The following SIPA1L2 variants were observed in gnomAD, a reference collection of about 807,000 sequenced individuals.
The protein encoded by SIPA1L2 is signal induced proliferation associated 1 like 2, also known as signal-induced proliferation-associated 1-like protein 2.
Under a neutral mutation model 163.9 loss-of-function variants are expected in SIPA1L2, and 56 were observed. The ratio of observed to expected loss-of-function variants is 0.34; its 90% confidence interval spans 0.28 to 0.43. The LOEUF (loss-of-function observed/expected upper bound fraction) is 0.43. Among genes scored for constraint, SIPA1L2 ranks in the 20% least tolerant of loss-of-function variants. The probability of loss-of-function intolerance (pLI) is 1.00; values close to 1 mark genes in which losing one functional copy is unlikely to be tolerated. For synonymous variants in SIPA1L2, 877 were observed against 865.7 expected (o/e 1.01, Z -0.23); for missense variants, 1,974 against 2,193.5 (o/e 0.90, Z 2.00).
chr1:232,402,417 C>G lies in SIPA1L2; in HGVS notation c.4997G>C (p.Arg1666Pro), dbSNP rs368811235. The change falls in exon 22 of 23, where the codon CGA becomes CCA. Residue 1666 changes from arginine to proline, a missense_variant. Physicochemically the swap from Arg to Pro is moderately radical, Grantham distance 103 (BLOSUM62 -2). Coordinates refer to ENST00000674635, the MANE Select transcript of SIPA1L2 (RefSeq NM_020808.5). ...GKVNQLELIL[R>P]QLQTDLRKEK... The stretch of plus-strand genomic sequence containing the variant: ...CTTCCGAAGGTCGGTCTGGAGTTGT[C>G]GAAGAATTAATTCCAGCTGATTGAC... 1 of 1,613,354 alleles carries G rather than the reference C, an allele frequency of 6.2e-7. No individual in the cohort carries two copies. The highest frequency in any genetic ancestry group is 1.3e-5 in the African/African-American group (1 of 74,900).
At chr1:232,436,706 A>G (rs1393791266) in intron 15 of SIPA1L2, among the ~76,000 whole-genome samples, 1 of 152,196 alleles carries the variant, frequency 6.6e-6, no homozygotes. Context: ...TCGTCCTCTA[A>G]TGAGTCACCT....
chr1:232,552,409 T>C (rs1658446073), intron 2 of SIPA1L2, among the ~76,000 whole-genome samples: 1 of 151,942 alleles, frequency 6.6e-6, no homozygotes, highest in African/African-American at 2.4e-5. Flanking sequence ...CGTTTTCTGC[T>C]TGTTTCTTTT....
intron 1 of SIPA1L2, among the ~76,000 whole-genome samples, chr1:232,626,431 C>G (rs566406764): frequency 3.4e-4 from 51 of 152,166 alleles, no homozygotes; most frequent in African/African-American, 1.2e-3. Flanking sequence ...TTGGGTTGCA[C>G]TAAATATGAA....
chr1:232,454,581 TG>T (rs1663784485), intron 10 of SIPA1L2, among the ~76,000 whole-genome samples: 1 of 152,332 alleles, frequency 6.6e-6, no homozygotes, highest in African/African-American at 2.4e-5. Context: ...TTTTGACGAA[TG>T]TATTTCTATG....
intron 10 of SIPA1L2, among the ~76,000 whole-genome samples, chr1:232,458,469 G>A (rs868213435): frequency 7.9e-5 from 12 of 152,178 alleles, no homozygotes; most frequent in African/African-American, 1.7e-4. Flanking sequence ...CAAATATCAC[G>A]ACAACTTTAC....
At position 232,627,330 on chromosome 1, in the gene SIPA1L2, A is replaced by G. The variant is rs146418108; in HGVS notation, c.-319+2539T>C. Among the ~76,000 whole-genome samples, 47 of 152,338 alleles carry G rather than the reference A, an allele frequency of 3.1e-4. No homozygotes were observed. The East Asian group carries it at 7.7e-3, about 25-fold the overall frequency. On this transcript the variant is annotated intron_variant, in intron 1 of 22. Transcript: ENST00000674635. Reference sequence around the variant, plus strand: ...CGATGCCCAAACACAGTGCTTTTAAACCAGTTTCAATTACCAAACAACTGG... The same window carrying G: ...CGATGCCCAAACACAGTGCTTTTAAGCCAGTTTCAATTACCAAACAACTGG...
chr1:232,406,079 T>G (rs1413983234), intron 19 of SIPA1L2, among the ~76,000 whole-genome samples: 1 of 152,336 alleles, frequency 6.6e-6, no homozygotes, highest in South Asian at 2.1e-4. Flanking sequence ...GAGGATGCTA[T>G]TTGATTAAGT....
chr1:232,516,269 G>A (rs1206843046), intron 2 of SIPA1L2, among the ~76,000 whole-genome samples: 1 of 152,174 alleles, frequency 6.6e-6, no homozygotes, highest in East Asian at 1.9e-4. Context: ...TCAAGGATCT[G>A]GTATCTGATA....
At chr1:232,606,191 T>C (rs2102864803) in intron 1 of SIPA1L2, among the ~76,000 whole-genome samples, 1 of 152,388 alleles carries the variant, frequency 6.6e-6, no homozygotes, top group South Asian at 2.1e-4. Context: ...ATAAGTCATG[T>C]AGACTAATTC....
At chr1:232,412,439 TAAAC>T (rs746035880) in intron 19 of SIPA1L2, among the ~76,000 whole-genome samples, 1 of 152,228 alleles carries the variant, frequency 6.6e-6, no homozygotes, top group Non-Finnish European at 1.5e-5. Context: ...AGCAATAACA[TAAAC>T]AAGTACATGG....
intron 2 of SIPA1L2, among the ~76,000 whole-genome samples, chr1:232,545,376 T>C (rs888056297): frequency 6.6e-6 from 1 of 152,238 alleles, no homozygotes; most frequent in Non-Finnish European, 1.5e-5. Context: ...TTGACTCATG[T>C]ATCTATGAGG....
chr1:232,573,904 G>A (rs1000016017), intron 2 of SIPA1L2, among the ~76,000 whole-genome samples: 9 of 152,098 alleles, frequency 5.9e-5, no homozygotes, highest in South Asian at 2.1e-4. Context: ...CCTTTTAAAC[G>A]CATTCAGGGA....
intron 3 of SIPA1L2, among the ~76,000 whole-genome samples, chr1:232,498,246 T>C (rs568192613): frequency 2.4e-4 from 36 of 152,244 alleles, no homozygotes; most frequent in African/African-American, 8.4e-4. Context: ...CAAGCAGGAA[T>C]ATCGAAATAA....
At chr1:232,509,437 T>G (rs1190697233) in intron 3 of SIPA1L2, among the ~76,000 whole-genome samples, 2 of 152,054 alleles carry the variant, frequency 1.3e-5, no homozygotes, top group Non-Finnish European at 2.9e-5. Flanking sequence ...GAAAGATAGA[T>G]CCCTGAAAGT....
intron 18 of SIPA1L2, among the ~76,000 whole-genome samples, chr1:232,423,593 G>C (rs1049333448): frequency 6.6e-6 from 1 of 152,168 alleles, no homozygotes; most frequent in Non-Finnish European, 1.5e-5. Flanking sequence ...TCTTTAAAGA[G>C]AGCAAATGGC....
chr1:232,509,934 A>G (rs1031669572), intron 3 of SIPA1L2, among the ~76,000 whole-genome samples: 14 of 152,188 alleles, frequency 9.2e-5, no homozygotes, highest in African/African-American at 3.4e-4. Context: ...GCCCGAGCCC[A>G]TCTGCAGGCA....
Position 232,529,791 on chromosome 1 carries a change from T to C in SIPA1L2, c.-269-14183A>G, listed in dbSNP as rs75077604. ...AGTAAATAGTTTTAAGTTTTGCTTT[T>C]ATTCTTATGGAGGAAAAAAAGGTAT... is the stretch of plus-strand genomic sequence containing the variant. On this transcript the variant is annotated intron_variant, in intron 2 of 22. Coordinates refer to ENST00000674635, the MANE Select transcript of SIPA1L2 (RefSeq NM_020808.5). Among the ~76,000 whole-genome samples the C allele has an allele frequency of 8.7e-4, 133 of 152,364 alleles. 1 individual carries two copies. In the East Asian group the frequency reaches 0.024, roughly 28 times the overall value.
chr1:232,577,510 G>A (rs1035771995), intron 1 of SIPA1L2, among the ~76,000 whole-genome samples: 4 of 152,130 alleles, frequency 2.6e-5, no homozygotes, highest in Non-Finnish European at 5.9e-5. Flanking sequence ...AGCTATCACA[G>A]ATAGCAATTC....
At chr1:232,608,105 G>T (rs1300161101) in intron 1 of SIPA1L2, among the ~76,000 whole-genome samples, 3 of 150,300 alleles carry the variant, frequency 2.0e-5, no homozygotes, top group Non-Finnish European at 4.4e-5. Context: ...GGAGTGCAGT[G>T]GCGCAATCTC....
Sources: gnomAD v4.1 joint callset for allele counts (sites outside exome capture counted in the v4.1 genomes callset) on GRCh38, gnomAD v4.1.1 for gene constraint, MANE v1.5 for transcripts, NCBI Gene and HGNC (gene_info 2026-07-23, HGNC 2026-07-21) for gene names.